The following CPLANE1 variants were observed in gnomAD, a reference collection of about 807,000 sequenced individuals.
The protein encoded by CPLANE1 is ciliogenesis and planar polarity effector complex subunit 1, also known as ciliogenesis and planar polarity effector 1.
A neutral mutation model predicts 362.5 loss-of-function variants in CPLANE1; 263 were observed. The observed-to-expected ratio is 0.73, with a 90% CI of 0.66 to 0.80. CPLANE1 has a LOEUF of 0.80. Ranked by LOEUF, CPLANE1 falls within the 30% of genes least tolerant of loss-of-function variation. The pLI is 0.00. For synonymous variants in CPLANE1, 1,212 were observed against 1,302.6 expected (o/e 0.93, Z 1.50); for missense variants, 3,461 against 3,793.4 (o/e 0.91, Z 2.30).
intron 21 of CPLANE1, among the ~76,000 whole-genome samples, chr5:37,191,792 C>T (rs1270885959): frequency 6.6e-6 from 1 of 152,146 alleles, no homozygotes; most frequent in Non-Finnish European, 1.5e-5. Context: ...TGTGATTATG[C>T]CACTGTATGT....
At chr5:37,150,547 C>T (rs971190299) in intron 42 of CPLANE1, among the ~76,000 whole-genome samples, 1 of 152,038 alleles carries the variant, frequency 6.6e-6, no homozygotes, top group African/African-American at 2.4e-5. Flanking sequence ...CACACAACTC[C>T]TCCTCTTCCT....
the CPLANE1 span, chr5:37,085,914 A>G: frequency 1.4e-6 from 1 of 735,286 alleles, no homozygotes; most frequent in Non-Finnish European, 2.3e-6. Context: ...GGCAGGAATT[A>G]ATAGGAAAAA....
In CPLANE1 at chr5:37,173,768, A is replaced by T. The variant is rs189493985; in HGVS notation, c.6158T>A (p.Phe2053Tyr). 104 of 1,614,092 alleles carry T rather than the reference A, an allele frequency of 6.4e-5. No individual in the cohort carries two copies. Among genetic ancestry groups the T allele is most frequent in the Middle Eastern group, 1.6e-4 (1 of 6,062 alleles). Residue 2053 changes from phenylalanine to tyrosine, a missense_variant, in exon 32 of 53, where the codon TTT becomes TAT. Around this residue, in one of 2 missense-constraint regions of CPLANE1, gnomAD observed 3,380 missense variants for 3,666.1 expected, o/e 0.92. Coordinates refer to ENST00000651892, the MANE Select transcript of CPLANE1 (RefSeq NM_001384732.1). Reference sequence around the variant, plus strand: ...AGATGTGCTTACCTGAACTAATTTAAACATTTCATCTTGCAGCATCTGCCT... The same window carrying T: ...AGATGTGCTTACCTGAACTAATTTATACATTTCATCTTGCAGCATCTGCCT... ...SVRQMLQDEM[F>Y]KLVQLQQINF...
the CPLANE1 span, among the ~76,000 whole-genome samples, chr5:37,098,511 G>A: frequency 2.0e-5 from 3 of 151,242 alleles, no homozygotes; most frequent in Admixed American, 6.6e-5. Flanking sequence ...AGACCAAATG[G>A]ACCTAACAGA....
At chr5:37,186,622 T>C (rs576656934) in intron 23 of CPLANE1, among the ~76,000 whole-genome samples, 4 of 152,334 alleles carry the variant, frequency 2.6e-5, no homozygotes, top group Non-Finnish European at 5.9e-5. Flanking sequence ...ATATTCAAGG[T>C]GTACAATGTG....
In CPLANE1 at chr5:37,206,205, A is replaced by G. The variant is rs542802498; in HGVS notation, c.3141T>C (p.Asn1047=). The G allele has an allele frequency of 4.5e-6, 7 of 1,550,276 alleles. No homozygotes were observed. In the African/African-American group the frequency reaches 5.5e-5, roughly 12 times the overall value. Residue 1047 remains asparagine (N), a synonymous_variant, in exon 17 of 53, where the codon AAT becomes AAC. Transcript: ENST00000651892. ...AFQLFCKRDS[N]FMRSKKKSLN... ...TGCCTAAAAATCCATACCTCATGAA[A>G]TTGCTATCACGTTTACAGAACAGCT...
At chr5:37,192,426 G>A (rs1023164541) in intron 21 of CPLANE1, among the ~76,000 whole-genome samples, 1 of 152,122 alleles carries the variant, frequency 6.6e-6, no homozygotes, top group South Asian at 2.1e-4. Flanking sequence ...TTTTGTCTAA[G>A]TATATCCTAT....
At chr5:37,199,093 T>A (rs1382463046) in intron 19 of CPLANE1, among the ~76,000 whole-genome samples, 3 of 92,344 alleles carry the variant, frequency 3.2e-5, no homozygotes, top group Admixed American at 1.5e-4. Context: ...GGACACCCTG[T>A]CTCAAAAAAA....
chr5:37,088,075 T>C, the CPLANE1 span, among the ~76,000 whole-genome samples: 1 of 152,184 alleles, frequency 6.6e-6, no homozygotes, highest in Non-Finnish European at 1.5e-5. Context: ...TATGCTCAAG[T>C]GTCTTTGTGT....
intron 14 of CPLANE1, among the ~76,000 whole-genome samples, chr5:37,222,949 A>G (rs1003153533): frequency 1.5e-4 from 23 of 152,276 alleles, no homozygotes; most frequent in Middle Eastern, 3.4e-3. Context: ...CTTTCTAAAC[A>G]GCCTATTCTT....
chr5:37,218,082 C>T (rs1351517835), intron 15 of CPLANE1, among the ~76,000 whole-genome samples: 1 of 152,088 alleles, frequency 6.6e-6, no homozygotes, highest in Non-Finnish European at 1.5e-5. Context: ...AAAGGAACTA[C>T]CATAGCATGC....
intron 36 of CPLANE1, 119 bp downstream of exon 36, chr5:37,165,420 T>C: frequency 2.1e-6 from 2 of 930,284 alleles, no homozygotes; most frequent in Non-Finnish European, 1.7e-6. Context: ...CTGAATGATA[T>C]GAAGATCCTC....
intron 47 of CPLANE1, among the ~76,000 whole-genome samples, chr5:37,123,966 G>C (rs199554638): frequency 3.8e-5 from 4 of 105,100 alleles, no homozygotes; most frequent in African/African-American, 8.4e-5. Flanking sequence ...CACACACACA[G>C]TCTCTCTCAA....
chr5:37,224,780 G>T, intron 12 of CPLANE1, 40 bp from the exon 13 acceptor site: 1 of 1,413,788 alleles, frequency 7.1e-7, no homozygotes, highest in Non-Finnish European at 9.7e-7. Flanking sequence ...GCAAATTTCA[G>T]GCTAATGATG....
intron 52 of CPLANE1, 88 bp downstream of exon 52, chr5:37,108,205 C>T (rs770492087): frequency 6.1e-6 from 8 of 1,311,522 alleles, no homozygotes; most frequent in Non-Finnish European, 8.6e-6. Flanking sequence ...CCACAAAAAA[C>T]AAACTAAAAA....
chr5:37,082,764 A>AC, the CPLANE1 span, among the ~76,000 whole-genome samples: 3 of 136,142 alleles, frequency 2.2e-5, no homozygotes, highest in African/African-American at 9.3e-5. Flanking sequence ...GTACGTGGAA[A>AC]CCCAAAAAAA....
rs375424043 is a variant in CPLANE1 at position 37,184,775 on chromosome 5, A to T, written c.4481+13T>A. The stretch of plus-strand genomic sequence containing the variant: ...GGAAGTGAATGCCAGTGATTAAAAG[A>T]TCTCAATTGTACCTTTGATAGATAT... On this transcript the variant is annotated intron_variant, in intron 25 of 52. Transcript: ENST00000651892. 15 of 1,595,004 alleles carry T rather than the reference A, an allele frequency of 9.4e-6. No individual in the cohort carries two copies. The African/African-American group carries it at 1.8e-4, about 19-fold the overall frequency.
chr5:37,238,962 T>C lies in CPLANE1; in HGVS notation c.835-2A>G, dbSNP rs1799665804. ...GTTTATAAATAATACCTGAGTTGCCTAGAAAGGAAAAAAAAGACAAGAAAA... is the reference window on the plus strand; with the variant it reads ...GTTTATAAATAATACCTGAGTTGCCCAGAAAGGAAAAAAAAGACAAGAAAA... On this transcript the variant is annotated splice_acceptor_variant, in intron 7 of 52. Coordinates refer to ENST00000651892, the MANE Select transcript of CPLANE1 (RefSeq NM_001384732.1). LOFTEE classifies it high-confidence loss of function. 2 of 1,431,168 alleles carry C rather than the reference T, an allele frequency of 1.4e-6. No homozygotes were observed. The highest frequency in any genetic ancestry group is 1.9e-6 in the Non-Finnish European group (2 of 1,072,546). The allele number at this position is 1,431,168 out of a possible 1,614,324, so 88.7% of individuals were successfully genotyped here.
At position 37,198,628 on chromosome 5, in the gene CPLANE1, A is replaced by G. The variant is rs1788250085; in HGVS notation, c.3672+74T>C. ...CAGGACTCCTTGGGAAAATATAACA[A>G]TTATAAAAACAATAATATAAATATG... On this transcript the variant is annotated intron_variant, in intron 20 of 52. Coordinates refer to ENST00000651892, the MANE Select transcript of CPLANE1 (RefSeq NM_001384732.1). The G allele has an allele frequency of 9.3e-6, 13 of 1,400,112 alleles. No individual in the cohort carries two copies. The South Asian group carries it at 1.8e-4, about 19-fold the overall frequency. 86.7% of individuals were successfully genotyped at this position (1,400,112 alleles called of 1,614,324 possible).
Sources: gnomAD v4.1 joint callset for allele counts (sites outside exome capture counted in the v4.1 genomes callset) on GRCh38, gnomAD v4.1.1 for gene constraint, gnomAD v4.1.1 regional missense constraint, MANE v1.5 for transcripts, NCBI Gene and HGNC (gene_info 2026-07-23, HGNC 2026-07-21) for gene names.